Variants in GFRA3 observed in about 807,000 individuals in gnomAD.
GFRA3 encodes the protein GDNF family receptor alpha-3.
GFRA3 carries 24 observed loss-of-function variants against 40.0 expected under a neutral mutation model. That is an observed-to-expected ratio of 0.60 (90% CI 0.43 to 0.84). The LOEUF (loss-of-function observed/expected upper bound fraction) is 0.84. Ranked by LOEUF, GFRA3 falls within the 40% of genes least tolerant of loss-of-function variation. The pLI, the probability that GFRA3 is intolerant of heterozygous loss-of-function variation, is 0.00. For missense variants in GFRA3, 405 were observed against 530.6 expected (o/e 0.76, Z 2.33); for synonymous variants, 203 against 213.5 (o/e 0.95, Z 0.43).
chr5:138,270,205 C>CA (rs34014240), intron 1 of GFRA3, among the ~76,000 whole-genome samples: 20,525 of 72,468 alleles, frequency 0.28, 2,420 homozygotes, highest in South Asian at 0.43. Context: ...ACTAAAAATA[C>CA]AAAAAAAAAA....
Position 138,264,405 on chromosome 5 carries a change from C to T in GFRA3, c.235G>A (p.Glu79Lys). The T allele has an allele frequency of 6.2e-7, 1 of 1,614,126 alleles. No homozygotes were observed. Among genetic ancestry groups the T allele is most frequent in the Non-Finnish European group, 8.5e-7 (1 of 1,180,016 alleles). Residue 79 changes from glutamate to lysine, a missense_variant, in exon 2 of 8, where the codon GAG (glutamate) becomes AAG (lysine). Glu to Lys is a moderately conservative substitution (Grantham distance 56). Transcript: ENST00000274721. ...AGGCAGTCAGCAGGGACCGAAGGCT[C>T]CTCTGAGGGCAGTGGGGTGCTTATG... ...SSISTPLPSE[E>K]PSVPADCLEA...
chr5:138,259,443 G>T, intron 3 of GFRA3, 114 bp downstream of exon 3: 1 of 703,478 alleles, frequency 1.4e-6, no homozygotes, highest in South Asian at 1.5e-5. Context: ...TTAGTCACCT[G>T]GTAGGCTAGA....
intron 2 of GFRA3, among the ~76,000 whole-genome samples, chr5:138,261,337 G>C (rs1250450082): frequency 2.6e-5 from 4 of 152,204 alleles, no homozygotes; most frequent in East Asian, 1.9e-4. Flanking sequence ...GCTCAGAAAA[G>C]AATTGGCCAG....
At chr5:138,259,743 G>A in intron 2 of GFRA3, 94 bp from the exon 3 acceptor site, 1 of 762,574 alleles carries the variant, frequency 1.3e-6, no homozygotes, top group Middle Eastern at 2.3e-4. Flanking sequence ...AAAGGCCTGT[G>A]GAGAAAAGGA....
Position 138,253,325 on chromosome 5 carries a change from C to CCTGGGAGAAGAGTTGG in GFRA3, c.1059_1074dup (p.Asp359ProfsTer20). 3 of 1,604,626 alleles carry CCTGGGAGAAGAGTTGG rather than the reference C, an allele frequency of 1.9e-6. No individual in the cohort carries two copies. Among genetic ancestry groups the CCTGGGAGAAGAGTTGG allele is most frequent in the Non-Finnish European group, 2.6e-6 (3 of 1,175,528 alleles). On this transcript the variant is annotated frameshift_variant, in exon 7 of 8. Coordinates refer to ENST00000274721, the MANE Select transcript of GFRA3 (RefSeq NM_001496.4). LOFTEE classifies it low-confidence loss of function (END_TRUNC). The stretch of plus-strand genomic sequence containing the variant: ...ACAGCAAAGGTAGGGTGTGGCCAGT[C>CCTGGGAGAAGAGTTGG]CTGGGAGAAGAGTTGGCTGTGAAAA...
intron 2 of GFRA3, among the ~76,000 whole-genome samples, chr5:138,262,877 G>A (rs6860080): frequency 0.018 from 2,684 of 152,246 alleles, 91 homozygotes; most frequent in African/African-American, 0.06. Context: ...TTTAGATTAA[G>A]AGGAGCCACA....
chr5:138,266,735 A>G (rs1312223237), intron 1 of GFRA3, among the ~76,000 whole-genome samples: 1 of 151,242 alleles, frequency 6.6e-6, no homozygotes, highest in African/African-American at 2.4e-5. Context: ...GTGCAGTGAT[A>G]CAATCTCAGC....
intron 1 of GFRA3, among the ~76,000 whole-genome samples, chr5:138,269,256 T>C (rs1755831374): frequency 6.6e-6 from 1 of 151,784 alleles, no homozygotes; most frequent in Non-Finnish European, 1.5e-5. Flanking sequence ...CTAAAAGTAG[T>C]CTGGGCGTGG....
chr5:138,258,535 A>G (rs1431541821), intron 3 of GFRA3, among the ~76,000 whole-genome samples: 1 of 152,036 alleles, frequency 6.6e-6, no homozygotes, highest in Admixed American at 6.6e-5. Context: ...ATCATCATCT[A>G]TATGCATCGA....
intron 3 of GFRA3, among the ~76,000 whole-genome samples, chr5:138,258,342 G>A (rs1316445452): frequency 4.0e-5 from 6 of 151,554 alleles, no homozygotes; most frequent in South Asian, 2.1e-4. Context: ...CACGACGCCC[G>A]GCTAATTTTT....
At position 138,274,503 on chromosome 5, in the gene GFRA3, A is replaced by T; in HGVS notation, c.-79T>A. The T allele has an allele frequency of 8.1e-7, 1 of 1,238,744 alleles. No homozygotes were observed. Among genetic ancestry groups the T allele is most frequent in the Non-Finnish European group, 1.0e-6 (1 of 990,716 alleles). 76.7% of individuals were successfully genotyped at this position (1,238,744 alleles called of 1,614,324 possible). A position where few individuals can be genotyped will look rare whatever the true frequency, so the allele number is the denominator to read the frequency against. ...TGAGAGCGGGGCTCCCTCGACCGGCACCTCCCGCCCCCGCCTCCCGCCCTC... is the reference window on the plus strand; with the variant it reads ...TGAGAGCGGGGCTCCCTCGACCGGCTCCTCCCGCCCCCGCCTCCCGCCCTC... On this transcript the variant is annotated 5_prime_UTR_variant, in exon 1 of 8. Transcript: ENST00000274721.
intron 7 of GFRA3, 42 bp from the exon 8 acceptor site, chr5:138,253,099 T>G: frequency 8.4e-7 from 1 of 1,187,376 alleles, no homozygotes; most frequent in South Asian, 1.3e-5. Context: ...GGGATTTTCT[T>G]TAGCCCTTTC....
chr5:138,264,035 G>A (rs1755746694), intron 2 of GFRA3, among the ~76,000 whole-genome samples: 2 of 152,154 alleles, frequency 1.3e-5, no homozygotes, highest in African/African-American at 2.4e-5. Flanking sequence ...AGTGGGAACT[G>A]ACATGTTGCC....
At chr5:138,253,228 T>C in intron 7 of GFRA3, 59 bp downstream of exon 7, 1 of 1,162,106 alleles carries the variant, frequency 8.6e-7, no homozygotes. Flanking sequence ...TCTGCCTAGT[T>C]TGGGTTTTCC....
chr5:138,270,371 C>CAAA (rs776243779), intron 1 of GFRA3, among the ~76,000 whole-genome samples: 1 of 76,438 alleles, frequency 1.3e-5, no homozygotes, highest in Admixed American at 1.6e-4. Context: ...GACTCCGTCT[C>CAAA]AAAAAAAAAA....
In GFRA3 at chr5:138,253,779, G is replaced by T; in HGVS notation, c.1011C>A (p.His337Gln). 1 of 1,613,954 alleles carries T rather than the reference G, an allele frequency of 6.2e-7. No individual in the cohort carries two copies. The highest frequency in any genetic ancestry group is 8.5e-7 in the Non-Finnish European group (1 of 1,179,898). ...CAGCACACTCACTGAGGCAGGGGTT[G>T]TGGGAGAAGAACCCTTCCAGCATTT... ...ECEMLEGFFS[H>Q]NPCLTEAIAA... Residue 337 changes from histidine to glutamine, a missense_variant, in exon 6 of 8, where the codon CAC (histidine) becomes CAA (glutamine). Transcript: ENST00000274721.
In GFRA3 at chr5:138,253,896, A is replaced by T; in HGVS notation, c.894T>A (p.Thr298=). Reference sequence around the variant, plus strand: ...TGCTGACAAAGTTGGGGGTCATGGCAGTCCCTGTGAAGAGGGAAAGGGTAG... The same window carrying T: ...TGCTGACAAAGTTGGGGGTCATGGCTGTCCCTGTGAAGAGGGAAAGGGTAG... ...CLRAYLGLIG[T]AMTPNFVSNV... Residue 298 remains threonine, a synonymous_variant, in exon 6 of 8, where the codon ACT becomes ACA. Coordinates refer to ENST00000274721, the MANE Select transcript of GFRA3 (RefSeq NM_001496.4). 1 of 1,613,596 alleles carries T rather than the reference A, an allele frequency of 6.2e-7. No homozygotes were observed. Among genetic ancestry groups the T allele is most frequent in the Non-Finnish European group, 8.5e-7 (1 of 1,179,574 alleles).
chr5:138,271,553 G>T (rs370327589), intron 1 of GFRA3, among the ~76,000 whole-genome samples: 1 of 151,808 alleles, frequency 6.6e-6, no homozygotes, highest in Non-Finnish European at 1.5e-5. Context: ...GCATAGTTCC[G>T]TTCCTTTCTT....
intron 3 of GFRA3, among the ~76,000 whole-genome samples, chr5:138,259,312 GAA>G (rs1196035285): frequency 6.6e-6 from 1 of 152,234 alleles, no homozygotes. Context: ...TCGCCTTGTG[GAA>G]ACAGGGAGCC....
Sources: allele counts gnomAD v4.1 joint callset (sites outside exome capture counted in the v4.1 genomes callset), GRCh38; gene constraint gnomAD v4.1.1; transcripts MANE v1.5; gene names NCBI Gene and HGNC (gene_info 2026-07-23, HGNC 2026-07-21).